CLDN18: variants seen among roughly 807,000 people sequenced by gnomAD.
The protein encoded by CLDN18 is claudin-18.
CLDN18 carries 20 observed loss-of-function variants against 25.0 expected under a neutral mutation model. The observed-to-expected ratio is 0.80, with a 90% CI of 0.56 to 1.16. The LOEUF is 1.16. CLDN18 is among the 50% of genes most tolerant of loss of function. The pLI is 0.00. For missense variants in CLDN18, 297 were observed against 345.4 expected (o/e 0.86, Z 1.11); for synonymous variants, 125 against 135.6 (o/e 0.92, Z 0.54).
intron 1 of CLDN18, among the ~76,000 whole-genome samples, chr3:138,000,540 T>C (rs918556094): frequency 6.6e-6 from 1 of 152,022 alleles, no homozygotes; most frequent in African/African-American, 2.4e-5. Flanking sequence ...GTTTGGTTGG[T>C]TGGTTGGTTG....
upstream of CLDN18, among the ~76,000 whole-genome samples, chr3:138,009,666 A>C (rs890823787): frequency 2.6e-5 from 4 of 152,106 alleles, no homozygotes; most frequent in African/African-American, 7.2e-5. Flanking sequence ...ACTCACCCCC[A>C]AAAAATGGGG....
chr3:138,008,244 G>A (rs1232850754), upstream of CLDN18, among the ~76,000 whole-genome samples: 2 of 150,494 alleles, frequency 1.3e-5, no homozygotes, highest in East Asian at 3.9e-4. Flanking sequence ...GGTGTGTGGG[G>A]GTGTGTGTGG....
chr3:138,025,535 G>A (rs545743213), intron 3 of CLDN18, among the ~76,000 whole-genome samples: 1 of 152,242 alleles, frequency 6.6e-6, no homozygotes, highest in African/African-American at 2.4e-5. Flanking sequence ...CACCAACATG[G>A]GGTACAGACG....
In CLDN18 at chr3:138,031,151, A is replaced by G. The variant is rs1475356237; in HGVS notation, c.*10A>G. The G allele has an allele frequency of 1.3e-6, 2 of 1,587,232 alleles. No individual in the cohort carries two copies. Among genetic ancestry groups the G allele is most frequent in the East Asian group, 4.5e-5 (2 of 44,230 alleles). ...GCACGACTATGTGTAATGCTCTAAG[A>G]CCTCTCAGCACGGGCGGAAGAAACT... On this transcript the variant is annotated 3_prime_UTR_variant, in exon 5 of 5. Transcript: ENST00000183605.
intron 1 of CLDN18, among the ~76,000 whole-genome samples, chr3:138,004,369 C>T (rs1046027406): frequency 6.7e-6 from 1 of 150,352 alleles, no homozygotes; most frequent in East Asian, 1.9e-4. Flanking sequence ...TTCTCCTTTA[C>T]AAGAATTCTT....
rs191374937 is a variant in CLDN18 at position 138,028,420 on chromosome 3, G to T, written c.504-1377G>T. 3.5e-3 allele frequency among the ~76,000 whole-genome samples: 527 copies of T among 152,308 alleles called. 2 individuals carry two copies. Among genetic ancestry groups the T allele is most frequent in the African/African-American group, 0.012 (479 of 41,566 alleles). On this transcript the variant is annotated intron_variant, in intron 3 of 4. Coordinates refer to ENST00000183605, the MANE Select transcript of CLDN18 (RefSeq NM_016369.4). ...TATTGTATTTTCTTAGGTTGCAGAG[G>T]TTTGCACACATATTACTTGTCTTCC...
intron 1 of CLDN18, among the ~76,000 whole-genome samples, chr3:138,023,103 T>C (rs779759967): frequency 4.6e-5 from 7 of 152,232 alleles, no homozygotes; most frequent in Non-Finnish European, 1.0e-4. Flanking sequence ...TAGTTCCTTC[T>C]GGAAAGGGAC....
At chr3:138,005,526 G>C (rs1279072760), upstream of CLDN18, among the ~76,000 whole-genome samples, 4 of 152,004 alleles carry the variant, frequency 2.6e-5, no homozygotes, top group African/African-American at 4.8e-5. Context: ...GCTGAGAATG[G>C]TTGTTTCTAG....
intron 1 of CLDN18, among the ~76,000 whole-genome samples, chr3:138,003,012 TA>T (rs1942034705): frequency 2.0e-5 from 3 of 152,300 alleles, no homozygotes; most frequent in African/African-American, 7.2e-5. Context: ...ACATAGGGAA[TA>T]TAGGTGTCAA....
chr3:138,005,842 G>A (rs2107875720), upstream of CLDN18, among the ~76,000 whole-genome samples: 2 of 152,252 alleles, frequency 1.3e-5, 1 homozygote, highest in South Asian at 4.1e-4. Flanking sequence ...CTGACAAAGA[G>A]TTATATGTAA....
chr3:137,999,094 G>A, intron 1 of CLDN18: 1 of 1,613,542 alleles, frequency 6.2e-7, no homozygotes, highest in Non-Finnish European at 8.5e-7. Flanking sequence ...GCCAGGTAAG[G>A]GCCAGGTGTC....
chr3:138,009,904 G>A (rs1942111240), upstream of CLDN18: 1 of 334,986 alleles, frequency 3.0e-6, no homozygotes, highest in Non-Finnish European at 5.6e-6. Context: ...GCGCTCTCCG[G>A]AGGAGCCGGA....
intron 3 of CLDN18, 33 bp downstream of exon 3, chr3:138,024,757 A>G (rs981236327): frequency 8.3e-7 from 1 of 1,201,772 alleles, no homozygotes; most frequent in African/African-American, 1.5e-5. Flanking sequence ...GGCATTCACC[A>G]TGATGAATAT....
At position 138,030,979 on chromosome 3, in the gene CLDN18, C is replaced by T. The variant is rs774372525; in HGVS notation, c.624C>T (p.Ala208=). ...TTTATTTTTCTTTCAGCTACAAAGC[C>T]GTTTCTTATCATGCCTCAGGCCACA... ...GLAPEETNYK[A]VSYHASGHSV... The change falls in exon 5 of 5, where the codon GCC becomes GCT. Residue 208 remains alanine, a synonymous_variant. Transcript: ENST00000183605. 13 of 1,610,944 alleles carry T rather than the reference C, an allele frequency of 8.1e-6. No individual in the cohort carries two copies. The highest frequency in any genetic ancestry group is 7.7e-5 in the South Asian group (7 of 90,660).
intron 1 of CLDN18, among the ~76,000 whole-genome samples, chr3:138,003,808 A>C (rs1012102764): frequency 6.6e-6 from 1 of 152,140 alleles, no homozygotes; most frequent in African/African-American, 2.4e-5. Context: ...AGTTGGAGAG[A>C]CAGGAATAAT....
At chr3:138,009,236 G>A (rs146690999), upstream of CLDN18, among the ~76,000 whole-genome samples, 14 of 152,300 alleles carry the variant, frequency 9.2e-5, no homozygotes, top group East Asian at 2.5e-3. Context: ...AACCTGCCCA[G>A]CACACGACAA....
chr3:138,031,050 G>C lies in CLDN18; in HGVS notation c.695G>C (p.Gly232Ala), dbSNP rs1213313296. 2 of 1,614,124 alleles carry C rather than the reference G, an allele frequency of 1.2e-6. No individual in the cohort carries two copies. The highest frequency in any genetic ancestry group is 2.2e-5 in the East Asian group (1 of 44,882). The change falls in exon 5 of 5, where the codon GGG becomes GCG. Residue 232 changes from glycine to alanine, a missense_variant. Gly to Ala is a moderately conservative substitution (Grantham distance 60, BLOSUM62 0). Transcript: ENST00000183605. The part of the protein sequence containing the change: ...PGGFKASTGF[G>A]SNTKNKKIYD... ...GGCTTCAAGGCCAGCACTGGCTTTGGGTCCAACACCAAAAACAAGAAGATA... is the reference window on the plus strand; with the variant it reads ...GGCTTCAAGGCCAGCACTGGCTTTGCGTCCAACACCAAAAACAAGAAGATA...
At chr3:138,005,421 A>C (rs1942059476), upstream of CLDN18, among the ~76,000 whole-genome samples, 1 of 150,018 alleles carries the variant, frequency 6.7e-6, no homozygotes, top group Non-Finnish European at 1.5e-5. Context: ...CAGGTGTGTG[A>C]TGTTCCCCTC....
At chr3:138,026,660 A>C (rs1234379733) in intron 3 of CLDN18, among the ~76,000 whole-genome samples, 1 of 152,118 alleles carries the variant, frequency 6.6e-6, no homozygotes, top group Non-Finnish European at 1.5e-5. Flanking sequence ...AACAAACAAA[A>C]AAAAATTAGA....
Sources: gnomAD v4.1 joint callset for allele counts (sites outside exome capture counted in the v4.1 genomes callset) on GRCh38, gnomAD v4.1.1 for gene constraint, MANE v1.5 for transcripts, NCBI Gene and HGNC (gene_info 2026-07-23, HGNC 2026-07-21) for gene names.